The following CHD1L variants were observed in gnomAD, a reference collection of about 807,000 sequenced individuals.
CHD1L encodes the protein ATP-dependent chromatin remodeler CHD1L.
Under a neutral mutation model 115.9 loss-of-function variants are expected in CHD1L, and 118 were observed. That is an observed-to-expected ratio of 1.02 (90% CI 0.88 to 1.19). The LOEUF is 1.19. Among genes scored for constraint, CHD1L ranks in the 50% most tolerant of loss-of-function variants. The pLI, the probability that CHD1L is intolerant of heterozygous loss-of-function variation, is 0.00. For synonymous variants in CHD1L, 411 were observed against 387.1 expected, an observed-to-expected ratio of 1.06 and a Z score of -0.72; for missense variants, 1,179 against 1,065.3, an observed-to-expected ratio of 1.11 and a Z score of -1.49.
chr1:147,293,814 C>T (rs976151189), intron 21 of CHD1L, 92 bp downstream of exon 21: 1 of 1,027,184 alleles, frequency 9.7e-7, no homozygotes, highest in Non-Finnish European at 1.5e-6. Context: ...GTCAAGATCC[C>T]ACTTAATATG....
chr1:147,263,680 C>T (rs1319843409), intron 6 of CHD1L, among the ~76,000 whole-genome samples: 1 of 149,020 alleles, frequency 6.7e-6, no homozygotes, highest in Non-Finnish European at 1.5e-5. Context: ...TCCAGAGACA[C>T]CAGAACCTTC....
At chr1:147,185,023 T>C in the CHD1L span, among the ~76,000 whole-genome samples, 4 of 152,116 alleles carry the variant, frequency 2.6e-5, no homozygotes, top group Non-Finnish European at 4.4e-5. Context: ...AGGAAAATGA[T>C]AGAACATTTT....
At chr1:147,266,132 G>T (rs1553948239) in intron 8 of CHD1L, 45 bp downstream of exon 8, 2 of 1,527,886 alleles carry the variant, frequency 1.3e-6, no homozygotes, top group Non-Finnish European at 1.8e-6. Context: ...ATGAGGATGT[G>T]ATTTCAGGTA....
the CHD1L span, among the ~76,000 whole-genome samples, chr1:147,228,301 T>C: frequency 6.6e-6 from 1 of 152,084 alleles, no homozygotes; most frequent in Non-Finnish European, 1.5e-5. Context: ...AGAATGATGG[T>C]TTCCAGCTTT....
chr1:147,248,749 G>A (rs1282234201), intron 1 of CHD1L, among the ~76,000 whole-genome samples: 13 of 152,166 alleles, frequency 8.5e-5, no homozygotes, highest in Admixed American at 4.6e-4. Flanking sequence ...GTATGTAAAT[G>A]TACGTATGTG....
At chr1:147,281,334 C>T (rs1274861047) in intron 15 of CHD1L, among the ~76,000 whole-genome samples, 1 of 152,186 alleles carries the variant, frequency 6.6e-6, no homozygotes, top group Non-Finnish European at 1.5e-5. Context: ...TGCATAGTCT[C>T]TGCCTGACTG....
At chr1:147,212,604 G>GTT in the CHD1L span, 1 of 1,431,292 alleles carries the variant, frequency 7.0e-7, no homozygotes, top group Non-Finnish European at 9.5e-7. Flanking sequence ...CAAGTCATTT[G>GTT]TTTTTTTTGC....
At chr1:147,243,044 G>A (rs782473977) in intron 1 of CHD1L, 22 of 462,894 alleles carry the variant, frequency 4.8e-5, no homozygotes, top group Non-Finnish European at 7.1e-5. Flanking sequence ...GCGGACGCCA[G>A]ATGAATGAGG....
At position 147,272,155 on chromosome 1, in the gene CHD1L, C is replaced by A. The variant is rs1676488191; in HGVS notation, c.1160-16C>A. ...GAAAAGGGTTAAGATTTCTGTTTTT[C>A]TTCCTCTCTGTAAAGGCTACAGCTA... On this transcript the variant is annotated splice_polypyrimidine_tract_variant and intron_variant, in intron 11 of 22. Coordinates refer to ENST00000369258, the MANE Select transcript of CHD1L (RefSeq NM_004284.6). 2 of 1,592,188 alleles carry A rather than the reference C, an allele frequency of 1.3e-6. No individual in the cohort carries two copies. The highest frequency in any genetic ancestry group is 1.7e-6 in the Non-Finnish European group (2 of 1,167,368).
chr1:147,281,233 A>G (rs1298074231), intron 15 of CHD1L, among the ~76,000 whole-genome samples: 2 of 152,060 alleles, frequency 1.3e-5, no homozygotes, highest in East Asian at 1.9e-4. Flanking sequence ...ACTCAGACCT[A>G]TCCTCATTAT....
At chr1:147,258,470 T>C (rs2102447924) in intron 5 of CHD1L, among the ~76,000 whole-genome samples, 1 of 152,296 alleles carries the variant, frequency 6.6e-6, no homozygotes, top group Non-Finnish European at 1.5e-5. Context: ...CTAGAGAAAC[T>C]TCCATACCTT....
chr1:147,236,827 A>G, the CHD1L span, among the ~76,000 whole-genome samples: 52 of 152,286 alleles, frequency 3.4e-4, no homozygotes, highest in Middle Eastern at 6.8e-3. Flanking sequence ...GTGTGCGCCA[A>G]CTGGTCCATA....
At chr1:147,220,766 A>C in the CHD1L span, among the ~76,000 whole-genome samples, 1 of 152,150 alleles carries the variant, frequency 6.6e-6, no homozygotes, top group South Asian at 2.1e-4. Flanking sequence ...CAGTTATACC[A>C]GCCCCATACA....
chr1:147,205,168 A>G, the CHD1L span, among the ~76,000 whole-genome samples: 1 of 152,202 alleles, frequency 6.6e-6, no homozygotes, highest in African/African-American at 2.4e-5. Context: ...GCTATCTCCT[A>G]TTATTCAACA....
the CHD1L span, chr1:147,225,055 G>C: frequency 6.2e-7 from 1 of 1,613,996 alleles, no homozygotes; most frequent in Non-Finnish European, 8.5e-7. Context: ...TCACCTGTTA[G>C]TGTCGCCTGT....
At position 147,254,897 on chromosome 1, in the gene CHD1L, G is replaced by A; in HGVS notation, c.268G>A (p.Gly90Arg). 6.2e-7 allele frequency: 1 copy of A among 1,606,084 alleles called. No individual in the cohort carries two copies. The highest frequency in any genetic ancestry group is 8.5e-7 in the Non-Finnish European group (1 of 1,177,572). ...QTIALFIYLA[G>R]RLNDEGPFLI... ...TATTGCTCTCTTCATTTATTTGGCA[G>A]GAAGATTAAATGATGAAGGGCCATT... Residue 90 changes from glycine to arginine, a missense_variant, in exon 3 of 23, where the codon GGA becomes AGA. Transcript: ENST00000369258.
the CHD1L span, chr1:147,184,596 A>C: frequency 1.1e-5 from 17 of 1,548,508 alleles, 1 homozygote; most frequent in South Asian, 2.0e-4. The surrounding 1 kb of genome is among the most constrained non-coding windows in gnomAD (Gnocchi z 4.4). Context: ...ATATTCTTCA[A>C]CTTGGGTTTG....
the CHD1L span, among the ~76,000 whole-genome samples, chr1:147,229,294 G>C: frequency 3.9e-5 from 6 of 152,054 alleles, no homozygotes; most frequent in African/African-American, 7.2e-5. Flanking sequence ...GTTTTTGTGA[G>C]GTTTGTCAAA....
chr1:147,252,876 C>A, intron 2 of CHD1L, 141 bp downstream of exon 2: 1 of 657,828 alleles, frequency 1.5e-6, no homozygotes, highest in Non-Finnish European at 2.6e-6. Flanking sequence ...GCTCTTGCAC[C>A]GGGAAAGGGC....
Sources: allele counts gnomAD v4.1 joint callset (sites outside exome capture counted in the v4.1 genomes callset), GRCh38; gene constraint gnomAD v4.1.1; non-coding constraint Gnocchi (gnomAD v3.1); transcripts MANE v1.5; gene names NCBI Gene and HGNC (gene_info 2026-07-23, HGNC 2026-07-21).